SLC12A8: variants seen among roughly 807,000 people sequenced by gnomAD.
SLC12A8 encodes cation-chloride cotransporter 9.
In SLC12A8, 69 loss-of-function variants were observed where a neutral mutation model predicts 75.6. The ratio of observed to expected loss-of-function variants is 0.91; its 90% confidence interval spans 0.75 to 1.11. The LOEUF is 1.11. Among genes scored for constraint, SLC12A8 ranks in the 50% most tolerant of loss-of-function variants. SLC12A8 has a pLI of 0.00. For missense variants in SLC12A8, 877 were observed against 896.7 expected, an observed-to-expected ratio of 0.98 and a Z score of 0.28; for synonymous variants, 365 against 372.8, an observed-to-expected ratio of 0.98 and a Z score of 0.24.
rs140693494 is a variant in SLC12A8 at position 125,087,372 on chromosome 3, C to T, written c.1982+938G>A. ...CCTCCCAAAGTGCTGAGATTACAGG[C>T]GTAAGCCACCACGCCCAGCCCTATT... is the stretch of plus-strand genomic sequence containing the variant. On this transcript the variant is annotated intron_variant, in intron 13 of 13. Transcript: ENST00000469902. Among the ~76,000 whole-genome samples, 1,458 of 152,108 alleles carry T rather than the reference C, an allele frequency of 9.6e-3. 18 individuals carry two copies. The highest frequency in any genetic ancestry group is 0.033 in the African/African-American group (1,378 of 41,492).
At chr3:125,093,084 G>T (rs1938626585) in intron 10 of SLC12A8, among the ~76,000 whole-genome samples, 1 of 152,076 alleles carries the variant, frequency 6.6e-6, no homozygotes, top group South Asian at 2.1e-4. Flanking sequence ...AAGACATGAG[G>T]CATTTGACTT....
intron 10 of SLC12A8, among the ~76,000 whole-genome samples, chr3:125,105,805 A>G (rs1343780845): frequency 6.6e-6 from 1 of 152,014 alleles, no homozygotes; most frequent in Non-Finnish European, 1.5e-5. Flanking sequence ...TGAGGTGGGT[A>G]GATCACTTGA....
intron 5 of SLC12A8, among the ~76,000 whole-genome samples, chr3:125,141,599 C>G (rs182425927): frequency 6.6e-6 from 1 of 152,334 alleles, no homozygotes; most frequent in Admixed American, 6.5e-5. Context: ...AAGTCATACC[C>G]CTCCCTGTGG....
chr3:125,178,411 G>A (rs546763486), intron 4 of SLC12A8, among the ~76,000 whole-genome samples: 2 of 152,086 alleles, frequency 1.3e-5, no homozygotes, highest in East Asian at 3.9e-4. Context: ...CTATAGGTCA[G>A]TATTATTTTT....
At chr3:125,120,924 A>G in intron 6 of SLC12A8, 1 of 688,520 alleles carries the variant, frequency 1.5e-6, no homozygotes, top group Admixed American at 2.2e-5. Flanking sequence ...AAGCCCTCCC[A>G]GCTCCAAAAG....
chr3:125,190,231 C>A lies in SLC12A8; in HGVS notation c.198+144G>T, dbSNP rs894159860. On this transcript the variant is annotated intron_variant, in intron 3 of 13. Coordinates refer to ENST00000469902, the MANE Select transcript of SLC12A8 (RefSeq NM_024628.6). ...ATGCTCATTTAACAAGCAATGCTAGCTATTCATCGTGCTTGCTTCTGTTTC... is the reference window on the plus strand; with the variant it reads ...ATGCTCATTTAACAAGCAATGCTAGATATTCATCGTGCTTGCTTCTGTTTC... 7.2e-6 allele frequency: 6 copies of A among 830,768 alleles called. No individual in the cohort carries two copies. The African/African-American group carries it at 1.0e-4, about 14-fold the overall frequency. The allele number at this position is 830,768 out of a possible 1,614,324, so 51.5% of individuals were successfully genotyped here. A position where few individuals can be genotyped will look rare whatever the true frequency, so the allele number is the denominator to read the frequency against.
At chr3:125,130,291 A>T (rs1020009154) in intron 6 of SLC12A8, among the ~76,000 whole-genome samples, 1 of 152,168 alleles carries the variant, frequency 6.6e-6, no homozygotes, top group African/African-American at 2.4e-5. Context: ...ATCATTATCA[A>T]AAGTGAATAT....
chr3:125,133,451 T>C (rs1933411641), intron 6 of SLC12A8, among the ~76,000 whole-genome samples: 1 of 151,930 alleles, frequency 6.6e-6, no homozygotes, highest in Non-Finnish European at 1.5e-5. Context: ...AAGCTCACTG[T>C]AGCCTTGACC....
chr3:125,163,435 G>A (rs1051154463), intron 5 of SLC12A8, among the ~76,000 whole-genome samples: 15 of 148,696 alleles, frequency 1.0e-4, no homozygotes, highest in African/African-American at 2.9e-4. Flanking sequence ...GTGAAACCCC[G>A]TCTCTACTAA....
Position 125,083,659 on chromosome 3 carries a change from T to G in SLC12A8, c.*231A>C. ...ATTGCTTGAACTCGGGAAGCAGAGG[T>G]TGCAGTGAGCCAAGATTGTGCCACT... On this transcript the variant is annotated 3_prime_UTR_variant, in exon 14 of 14. Transcript: ENST00000469902. The G allele has an allele frequency of 4.7e-6, 2 of 421,476 alleles. No homozygotes were observed. Among genetic ancestry groups the G allele is most frequent in the Non-Finnish European group, 8.6e-6 (2 of 233,544 alleles). 26.1% of individuals were successfully genotyped at this position (421,476 alleles called of 1,614,324 possible). A position where few individuals can be genotyped will look rare whatever the true frequency, so the allele number is the denominator to read the frequency against.
At chr3:125,104,182 T>G (rs1183722404) in intron 10 of SLC12A8, among the ~76,000 whole-genome samples, 2 of 152,052 alleles carry the variant, frequency 1.3e-5, no homozygotes, top group African/African-American at 4.8e-5. Flanking sequence ...CATAGCTCAT[T>G]GTAACTTTGA....
At chr3:125,152,644 C>T (rs1933955803) in intron 5 of SLC12A8, among the ~76,000 whole-genome samples, 1 of 152,080 alleles carries the variant, frequency 6.6e-6, no homozygotes, top group Admixed American at 6.5e-5. Flanking sequence ...CACCCCTCCC[C>T]CCAAACTCAA....
chr3:125,158,377 C>A (rs551947389), intron 5 of SLC12A8, among the ~76,000 whole-genome samples: 1 of 152,072 alleles, frequency 6.6e-6, no homozygotes. Context: ...TGTGCCACCA[C>A]GCCCAGCTAA....
At chr3:125,128,851 TG>T (rs1933283699) in intron 6 of SLC12A8, among the ~76,000 whole-genome samples, 1 of 151,770 alleles carries the variant, frequency 6.6e-6, no homozygotes, top group Non-Finnish European at 1.5e-5. Flanking sequence ...GAGGGGGGAA[TG>T]GGGGAAGTAG....
At chr3:125,208,671 G>T (rs553144294) in intron 2 of SLC12A8, among the ~76,000 whole-genome samples, 107 of 150,838 alleles carry the variant, frequency 7.1e-4, no homozygotes, top group African/African-American at 2.6e-3. Context: ...GGCAGCACAT[G>T]CACCCTCGAC....
chr3:125,106,489 C>T (rs951998713), intron 10 of SLC12A8, among the ~76,000 whole-genome samples: 2 of 152,024 alleles, frequency 1.3e-5, no homozygotes, highest in African/African-American at 2.4e-5. Context: ...CTGCAACCTC[C>T]GCCTCCTGGG....
At chr3:125,184,854 T>C (rs1246523234) in intron 4 of SLC12A8, among the ~76,000 whole-genome samples, 2 of 151,912 alleles carry the variant, frequency 1.3e-5, no homozygotes, top group Admixed American at 1.3e-4. Context: ...CAATAATTAG[T>C]TCTTTGTAAA....
chr3:125,137,228 AT>A (rs201412415), intron 5 of SLC12A8, among the ~76,000 whole-genome samples: 5 of 152,218 alleles, frequency 3.3e-5, no homozygotes, highest in Admixed American at 1.3e-4. Context: ...TAAGAAAAAT[AT>A]TTTTTTTAAA....
chr3:125,083,737 G>T lies in SLC12A8; in HGVS notation c.*153C>A. On this transcript the variant is annotated 3_prime_UTR_variant, in exon 14 of 14. Transcript: ENST00000469902. ...ACTCTGTCTCAAAAAAAAAAAAAAA[G>T]GGAAAAGAAAATGTAGATTTCCATT... 2.8e-6 allele frequency: 2 copies of T among 723,406 alleles called. No homozygotes were observed. The highest frequency in any genetic ancestry group is 4.2e-6 in the Non-Finnish European group (2 of 475,284). The allele number at this position is 723,406 out of a possible 1,614,324, so 44.8% of individuals were successfully genotyped here. A position where few individuals can be genotyped will look rare whatever the true frequency, so the allele number is the denominator to read the frequency against.
Sources: gnomAD v4.1 joint callset for allele counts (sites outside exome capture counted in the v4.1 genomes callset) on GRCh38, gnomAD v4.1.1 for gene constraint, MANE v1.5 for transcripts, NCBI Gene and HGNC (gene_info 2026-07-23, HGNC 2026-07-21) for gene names.